PLXDC2: variants seen among roughly 807,000 people sequenced by gnomAD.
PLXDC2 encodes plexin domain-containing protein 2.
In PLXDC2, 40 loss-of-function variants were observed where a neutral mutation model predicts 68.9. The ratio of observed to expected loss-of-function variants is 0.58; its 90% CI spans 0.45 to 0.76. PLXDC2 has a LOEUF of 0.76. Among genes scored for constraint, PLXDC2 ranks in the 30% least tolerant of loss-of-function variants. The probability of loss-of-function intolerance (pLI) is 0.00; values close to 1 mark genes in which losing one functional copy is unlikely to be tolerated. For missense variants in PLXDC2, 644 were observed against 661.9 expected (o/e 0.97, Z 0.30); for synonymous variants, 243 against 234.2 (o/e 1.04, Z -0.34).
chr10:19,991,347 CTTT>C (rs35216913), intron 1 of PLXDC2, among the ~76,000 whole-genome samples: 14 of 135,416 alleles, frequency 1.0e-4, no homozygotes, highest in Middle Eastern at 3.5e-3. Flanking sequence ...ATCATTTTCC[CTTT>C]TTTTTTTTTT....
At chr10:19,999,838 C>T (rs1834903852) in intron 1 of PLXDC2, among the ~76,000 whole-genome samples, 1 of 152,128 alleles carries the variant, frequency 6.6e-6, no homozygotes, top group Non-Finnish European at 1.5e-5. Context: ...GGTCTCAGAG[C>T]CTGACACATT....
intron 1 of PLXDC2, among the ~76,000 whole-genome samples, chr10:19,980,414 A>G (rs1424575265): frequency 1.3e-5 from 2 of 152,206 alleles, no homozygotes; most frequent in Non-Finnish European, 2.9e-5. Context: ...AAAATACCAT[A>G]GACTGGGTGG....
At chr10:20,171,890 A>C (rs954807291) in intron 7 of PLXDC2, among the ~76,000 whole-genome samples, 1 of 152,110 alleles carries the variant, frequency 6.6e-6, no homozygotes, top group South Asian at 2.1e-4. Flanking sequence ...TGGGAGGATC[A>C]CTTGAGCCCG....
chr10:20,141,800 G>A (rs1190953419), intron 4 of PLXDC2, among the ~76,000 whole-genome samples: 3 of 151,972 alleles, frequency 2.0e-5, no homozygotes, highest in Non-Finnish European at 4.4e-5. Context: ...TGTTTAATAT[G>A]CTTGAGCTGT....
rs1836459498 is a variant in PLXDC2, at chr10:20,076,866, C to T, written c.541+8627C>T. ...TGTTCAGAATCTCTCTAAAGACTGTCCCATGATGACATTTTGGGACTCTGG... is the reference window on the plus strand; with the variant it reads ...TGTTCAGAATCTCTCTAAAGACTGTTCCATGATGACATTTTGGGACTCTGG... On this transcript the variant is annotated intron_variant, in intron 4 of 13. Coordinates refer to ENST00000377252, the MANE Select transcript of PLXDC2 (RefSeq NM_032812.9). Among the ~76,000 whole-genome samples the T allele has an allele frequency of 2.6e-5, 4 of 152,110 alleles. No individual in the cohort carries two copies. The South Asian group carries it at 8.3e-4, about 32-fold the overall frequency.
intron 4 of PLXDC2, among the ~76,000 whole-genome samples, chr10:20,068,672 CA>C (rs1836261162): frequency 6.7e-6 from 1 of 149,318 alleles, no homozygotes; most frequent in Admixed American, 6.7e-5. Context: ...TATATATACA[CA>C]AAAACACACA....
chr10:20,072,668 A>T (rs946618910), intron 4 of PLXDC2, among the ~76,000 whole-genome samples: 2 of 152,226 alleles, frequency 1.3e-5, no homozygotes, highest in African/African-American at 4.8e-5. Flanking sequence ...GGGTGAAGGC[A>T]GAAAAAATAG....
rs1199314840 is a variant in PLXDC2, at chr10:20,280,507, T to C, written c.*688T>C. The C allele has an allele frequency of 2.0e-5, 3 of 152,150 alleles. No homozygotes were observed. The highest frequency in any genetic ancestry group is 7.2e-5 in the African/African-American group (3 of 41,432). 9.4% of individuals were successfully genotyped at this position (152,150 alleles called of 1,614,324 possible). A position where few individuals can be genotyped will look rare whatever the true frequency, so the allele number is the denominator to read the frequency against. The stretch of plus-strand genomic sequence containing the variant: ...TGTAATGAATGACCTTTCTATGAGC[T>C]GTGACAAAATTTCCGAACAATTAAC... On this transcript the variant is annotated 3_prime_UTR_variant, in exon 14 of 14. Transcript: ENST00000377252.
rs867324616 is a variant in PLXDC2 at position 20,285,544 on chromosome 10, T to C, written c.*5725T>C. 2.6e-5 allele frequency: 4 copies of C among 152,168 alleles called. No homozygotes were observed. Among genetic ancestry groups the C allele is most frequent in the Admixed American group, 1.3e-4 (2 of 15,280 alleles). The allele number at this position is 152,168 out of a possible 1,614,324, so 9.4% of individuals were successfully genotyped here. A position where few individuals can be genotyped will look rare whatever the true frequency, so the allele number is the denominator to read the frequency against. ...TGAAGAATGTGTCTGAAACATAATA[T>C]ATCACTGCATGTCTGTGCTGTAGAC... On this transcript the variant is annotated 3_prime_UTR_variant, in exon 14 of 14. Coordinates refer to ENST00000377252, the MANE Select transcript of PLXDC2 (RefSeq NM_032812.9).
At chr10:20,229,424 C>G in intron 12 of PLXDC2, among the ~76,000 whole-genome samples, 1 of 147,348 alleles carries the variant, frequency 6.8e-6, no homozygotes, top group East Asian at 2.0e-4. Context: ...GGTAGCATTC[C>G]TTGAGGTTGT....
At position 20,285,992 on chromosome 10, in the gene PLXDC2, A is replaced by C. The variant is rs181297608; in HGVS notation, c.*6173A>C. On this transcript the variant is annotated 3_prime_UTR_variant, in exon 14 of 14. Transcript: ENST00000377252. ...AATTATTGTCTGGAATAACTTTTCA[A>C]CCATCCAATGCCCACTGCTCTCACA... is the stretch of plus-strand genomic sequence containing the variant. 315 of 152,326 alleles carry C rather than the reference A, an allele frequency of 2.1e-3. 1 individual carries two copies. Among genetic ancestry groups the C allele is most frequent in the African/African-American group, 7.4e-3 (307 of 41,564 alleles). 9.4% of individuals were successfully genotyped at this position (152,326 alleles called of 1,614,324 possible). A position where few individuals can be genotyped will look rare whatever the true frequency, so the allele number is the denominator to read the frequency against.
At chr10:20,118,389 G>A (rs1460980865) in intron 4 of PLXDC2, among the ~76,000 whole-genome samples, 3 of 152,126 alleles carry the variant, frequency 2.0e-5, no homozygotes, top group African/African-American at 7.2e-5. Flanking sequence ...AGAAGGAGGA[G>A]TATATGGCAA....
chr10:19,932,997 G>A lies in PLXDC2; in HGVS notation c.113-68778G>A, dbSNP rs1833665969. Among the ~76,000 whole-genome samples the A allele has an allele frequency of 2.6e-5, 4 of 152,118 alleles. No homozygotes were observed. The South Asian group carries it at 8.3e-4, about 31-fold the overall frequency. The stretch of plus-strand genomic sequence containing the variant: ...GCTGCCACACATAAAATTTCCCTTT[G>A]CCAAAGAGAGGTTAGGTAATATTTT... On this transcript the variant is annotated intron_variant, in intron 1 of 13. Coordinates refer to ENST00000377252, the MANE Select transcript of PLXDC2 (RefSeq NM_032812.9).
In PLXDC2 at chr10:20,067,061, T is replaced by C. The variant is rs114891433; in HGVS notation, c.472-1109T>C. Among the ~76,000 whole-genome samples the C allele has an allele frequency of 6.3e-3, 964 of 152,278 alleles. 7 individuals are homozygous for C. The highest frequency in any genetic ancestry group is 0.02 in the African/African-American group (839 of 41,558). On this transcript the variant is annotated intron_variant, in intron 3 of 13. Coordinates refer to ENST00000377252, the MANE Select transcript of PLXDC2 (RefSeq NM_032812.9). ...GTTTCTCTTGTTTCTTGCCTGATAA[T>C]AATATATCTACTTAATATCATTTCA... is the stretch of plus-strand genomic sequence containing the variant.
chr10:20,036,789 G>C (rs936821851), intron 2 of PLXDC2, among the ~76,000 whole-genome samples: 1 of 152,144 alleles, frequency 6.6e-6, no homozygotes, highest in Non-Finnish European at 1.5e-5. Context: ...CGTTTATATA[G>C]AAAATGCATA....
At chr10:19,981,106 A>G (rs1834543156) in intron 1 of PLXDC2, among the ~76,000 whole-genome samples, 1 of 152,166 alleles carries the variant, frequency 6.6e-6, no homozygotes, top group South Asian at 2.1e-4. Context: ...TTGCTGAACC[A>G]TTATTAAGAG....
rs1195029132 is a variant in PLXDC2, at chr10:20,289,296, C to T, written c.*9477C>T. The T allele has an allele frequency of 2.0e-5, 3 of 152,264 alleles. No homozygotes were observed. The East Asian group carries it at 5.8e-4, about 29-fold the overall frequency. 9.4% of individuals were successfully genotyped at this position (152,264 alleles called of 1,614,324 possible). On this transcript the variant is annotated 3_prime_UTR_variant, in exon 14 of 14. Coordinates refer to ENST00000377252, the MANE Select transcript of PLXDC2 (RefSeq NM_032812.9). ...GTGGGCAATGGGATGGAGACTTTTT[C>T]CCCTATTCCCAGCCACAGTGCCCAA...
Position 20,219,057 on chromosome 10 carries a change from C to G in PLXDC2, c.1274-7C>G, listed in dbSNP as rs756858087. 3.7e-6 allele frequency: 6 copies of G among 1,607,372 alleles called. No homozygotes were observed. The Admixed American group carries it at 1.0e-4, about 27-fold the overall frequency. ...TCTGTTATAGTAACTTTGAATTTCTCTTCCAGATGATACCAAGATAGCACT... is the reference window on the plus strand; with the variant it reads ...TCTGTTATAGTAACTTTGAATTTCTGTTCCAGATGATACCAAGATAGCACT... On this transcript the variant is annotated splice_region_variant and splice_polypyrimidine_tract_variant and intron_variant, in intron 11 of 13. Transcript: ENST00000377252.
rs1323206032 is a variant in PLXDC2 at position 20,252,795 on chromosome 10, G to A, written c.1473+7290G>A. ...ATGATAAACACATTCTAAGTTAGGT[G>A]TGGATTTCACGTTGAATGATTAGTT... On this transcript the variant is annotated intron_variant, in intron 13 of 13. Coordinates refer to ENST00000377252, the MANE Select transcript of PLXDC2 (RefSeq NM_032812.9). Among the ~76,000 whole-genome samples, 9 of 152,304 alleles carry A rather than the reference G, an allele frequency of 5.9e-5. No individual in the cohort carries two copies. The East Asian group carries it at 1.5e-3, about 26-fold the overall frequency.
Sources: allele counts gnomAD v4.1 joint callset (sites outside exome capture counted in the v4.1 genomes callset), GRCh38; gene constraint gnomAD v4.1.1; transcripts MANE v1.5; gene names NCBI Gene and HGNC (gene_info 2026-07-23, HGNC 2026-07-21).